The following ROBO1 variants were observed in gnomAD, a reference collection of about 807,000 sequenced individuals.
ROBO1 encodes the protein roundabout guidance receptor 1, also known as roundabout homolog 1.
A neutral mutation model predicts 195.9 loss-of-function variants in ROBO1; 149 were observed. The observed-to-expected ratio is 0.76, with a 90% CI of 0.67 to 0.87. The LOEUF is 0.87. Among genes scored for constraint, ROBO1 ranks in the 40% least tolerant of loss-of-function variants. ROBO1 has a pLI of 0.00. For synonymous variants in ROBO1, 816 were observed against 733.2 expected, an observed-to-expected ratio of 1.11 and a Z score of -1.82; for missense variants, 1,933 against 2,068.3, an observed-to-expected ratio of 0.93 and a Z score of 1.27.
intron 21 of ROBO1, among the ~76,000 whole-genome samples, chr3:78,643,653 G>A (rs3773211): frequency 0.26 from 39,060 of 152,002 alleles, 5,234 homozygotes; most frequent in African/African-American, 0.31. Context: ...ATATTATGCC[G>A]AGTTTGGATC....
intron 2 of ROBO1, among the ~76,000 whole-genome samples, chr3:79,231,676 C>G (rs1054047783): frequency 6.6e-6 from 1 of 152,104 alleles, no homozygotes; most frequent in African/African-American, 2.4e-5. Flanking sequence ...GACCTAAAGA[C>G]AGAAATGCCA....
At chr3:78,840,296 GAAAC>G (rs1459759628) in intron 4 of ROBO1, among the ~76,000 whole-genome samples, 9 of 152,196 alleles carry the variant, frequency 5.9e-5, no homozygotes, top group African/African-American at 2.2e-4. Flanking sequence ...ACCTTCATAT[GAAAC>G]AAACAGTCCA....
intron 2 of ROBO1, among the ~76,000 whole-genome samples, chr3:79,517,134 A>C (rs1378549587): frequency 6.6e-6 from 1 of 152,102 alleles, no homozygotes; most frequent in Non-Finnish European, 1.5e-5. Flanking sequence ...ACAAAAGAAA[A>C]TATTTTCCTA....
At position 78,688,661 on chromosome 3, in the gene ROBO1, C is replaced by A; in HGVS notation, c.1157G>T (p.Arg386Ile). 6.2e-7 allele frequency: 1 copy of A among 1,602,072 alleles called. No individual in the cohort carries two copies. The highest frequency in any genetic ancestry group is 1.1e-5 in the South Asian group (1 of 88,608). Reference protein sequence around the residue: ...GNPQPAIFWRREGSQNLLFSY... With the variant: ...GNPQPAIFWRIEGSQNLLFSY... Reference sequence around the variant, plus strand: ...AAAAGGTGGTACCTGACTCCCTTCTCTCCTCCAGAAAATAGCTGGTTGAGG... The same window carrying A: ...AAAAGGTGGTACCTGACTCCCTTCTATCCTCCAGAAAATAGCTGGTTGAGG... Residue 386 changes from arginine (R) to isoleucine (I), a missense_variant, in exon 9 of 31, where the codon AGA becomes ATA. Physicochemically the swap from Arg to Ile is moderately conservative, Grantham distance 97. Transcript: ENST00000464233.
intron 21 of ROBO1, among the ~76,000 whole-genome samples, chr3:78,643,703 T>C (rs1184335284): frequency 1.3e-5 from 2 of 152,136 alleles, no homozygotes; most frequent in Non-Finnish European, 2.9e-5. Context: ...ATAATGGGAT[T>C]TTCTGGAGCT....
At chr3:79,000,086 G>C (rs924503119) in intron 3 of ROBO1, among the ~76,000 whole-genome samples, 1 of 151,984 alleles carries the variant, frequency 6.6e-6, no homozygotes, top group African/African-American at 2.4e-5. Context: ...CCTGAGACTG[G>C]GTAACTTATA....
At chr3:79,247,163 A>C (rs1377992010) in intron 2 of ROBO1, among the ~76,000 whole-genome samples, 1 of 149,548 alleles carries the variant, frequency 6.7e-6, no homozygotes, top group Non-Finnish European at 1.5e-5. Flanking sequence ...TAATAGAGAC[A>C]ATGGAGAGAA....
At chr3:79,518,918 G>T (rs1315358787) in intron 2 of ROBO1, among the ~76,000 whole-genome samples, 3 of 151,440 alleles carry the variant, frequency 2.0e-5, no homozygotes, top group Admixed American at 1.3e-4. Flanking sequence ...GACCTCAAGT[G>T]ATCCACCCGC....
intron 22 of ROBO1, among the ~76,000 whole-genome samples, chr3:78,639,335 G>C (rs2107554947): frequency 6.7e-6 from 1 of 148,788 alleles, no homozygotes; most frequent in African/African-American, 2.5e-5. Flanking sequence ...TGATGGTGCA[G>C]GCCTGTAGTC....
intron 2 of ROBO1, among the ~76,000 whole-genome samples, chr3:79,351,712 T>G (rs1476455269): frequency 6.6e-6 from 1 of 152,162 alleles, no homozygotes; most frequent in Non-Finnish European, 1.5e-5. Context: ...TTTTTTATTT[T>G]AATGAAAGAA....
intron 2 of ROBO1, among the ~76,000 whole-genome samples, chr3:79,200,508 T>C (rs1338234283): frequency 2.6e-5 from 4 of 151,740 alleles, no homozygotes; most frequent in African/African-American, 7.3e-5. Flanking sequence ...CAATGGGTGA[T>C]AGGCATGAAA....
chr3:79,444,102 T>C (rs991088100), intron 2 of ROBO1, among the ~76,000 whole-genome samples: 1 of 152,140 alleles, frequency 6.6e-6, no homozygotes, highest in Non-Finnish European at 1.5e-5. Context: ...GGAGTTTTTT[T>C]AGAACAAACC....
chr3:78,688,622 A>G (rs1212973979), intron 9 of ROBO1, 26 bp downstream of exon 9: 1 of 1,549,396 alleles, frequency 6.5e-7, no homozygotes, highest in Non-Finnish European at 8.7e-7. Context: ...CTGATTTAAA[A>G]AAAAAAAGTT....
intron 3 of ROBO1, among the ~76,000 whole-genome samples, chr3:79,046,295 G>C (rs1186984092): frequency 6.6e-6 from 1 of 152,022 alleles, no homozygotes; most frequent in Non-Finnish European, 1.5e-5. Flanking sequence ...ATAGCCACCT[G>C]AGGGAGCTTG....
chr3:79,157,297 A>G (rs1377530073), intron 2 of ROBO1, among the ~76,000 whole-genome samples: 1 of 151,908 alleles, frequency 6.6e-6, no homozygotes, highest in African/African-American at 2.4e-5. Context: ...AGTGTTCTGC[A>G]TAGCACATCA....
intron 3 of ROBO1, among the ~76,000 whole-genome samples, chr3:79,069,916 G>GT (rs1278139508): frequency 6.6e-6 from 1 of 151,614 alleles, no homozygotes; most frequent in Non-Finnish European, 1.5e-5. Flanking sequence ...TATTCATTAT[G>GT]TTTTTTCTTT....
intron 2 of ROBO1, among the ~76,000 whole-genome samples, chr3:79,306,690 A>C (rs1297571203): frequency 6.6e-6 from 1 of 152,230 alleles, no homozygotes; most frequent in South Asian, 2.1e-4. Context: ...TTTCATCTAT[A>C]TGATAAGGTA....
chr3:78,783,065 T>C (rs1439834752), intron 4 of ROBO1, among the ~76,000 whole-genome samples: 1 of 152,208 alleles, frequency 6.6e-6, no homozygotes, highest in African/African-American at 2.4e-5. Flanking sequence ...TATTTATTTA[T>C]TTCCCTTTTT....
At chr3:79,510,256 A>C (rs1339887203) in intron 2 of ROBO1, among the ~76,000 whole-genome samples, 1 of 152,168 alleles carries the variant, frequency 6.6e-6, no homozygotes, top group Non-Finnish European at 1.5e-5. Context: ...TTCTCATGAC[A>C]GTGAGTGAGT....
Sources: gnomAD v4.1 joint callset for allele counts (sites outside exome capture counted in the v4.1 genomes callset) on GRCh38, gnomAD v4.1.1 for gene constraint, MANE v1.5 for transcripts, NCBI Gene and HGNC (gene_info 2026-07-23, HGNC 2026-07-21) for gene names.